FIGLA: variants seen among roughly 807,000 people sequenced by gnomAD.
The protein encoded by FIGLA is factor in the germline alpha.
In FIGLA, 17 loss-of-function variants were observed where a neutral mutation model predicts 21.5. The ratio of observed to expected loss-of-function variants is 0.79; its 90% CI spans 0.54 to 1.19. The LOEUF (loss-of-function observed/expected upper bound fraction) is 1.19, where lower values mean the gene tolerates loss of function less well. FIGLA is among the 50% of genes most tolerant of loss of function. The probability of loss-of-function intolerance (pLI) is 0.00; values close to 1 mark genes in which losing one functional copy is unlikely to be tolerated. For missense variants in FIGLA, 282 were observed against 285.0 expected (o/e 0.99, Z 0.08); for synonymous variants, 129 against 117.6 (o/e 1.10, Z -0.63).
rs150205874 is a variant in FIGLA, at chr2:70,777,314, T to C, written c.*53A>G. 1 of 1,310,826 alleles carries C rather than the reference T, an allele frequency of 7.6e-7. No individual in the cohort carries two copies. Among genetic ancestry groups the C allele is most frequent in the Non-Finnish European group, 1.0e-6 (1 of 969,510 alleles). 81.2% of individuals were successfully genotyped at this position (1,310,826 alleles called of 1,614,324 possible). On this transcript the variant is annotated 3_prime_UTR_variant, in exon 5 of 5. Transcript: ENST00000332372. ...AAAAAAAAAGAGAGACTCCAAAACT[T>C]TCAAGACTGCATTTATTTGTCTCTA...
rs191782765 is a variant in FIGLA at position 70,783,491 on chromosome 2, C to G, written c.609+1924G>C. On this transcript the variant is annotated intron_variant, in intron 3 of 4. Transcript: ENST00000332372. ...TAGTACTGCCAAGCACAGGCCTGCT[C>G]TGCTACTGCAGAGGCTCCTGTCCCA... Among the ~76,000 whole-genome samples the G allele has an allele frequency of 3.7e-4, 57 of 152,314 alleles. No individual in the cohort carries two copies. In the Middle Eastern group the frequency reaches 0.014, roughly 36 times the overall value.
At chr2:70,789,945 C>T (rs1251000809) in intron 1 of FIGLA, among the ~76,000 whole-genome samples, 2 of 152,192 alleles carry the variant, frequency 1.3e-5, no homozygotes, top group African/African-American at 2.4e-5. Context: ...CGTCAGGCCC[C>T]CCTTTCTCCT....
chr2:70,780,199 G>C (rs1271784537), intron 3 of FIGLA, among the ~76,000 whole-genome samples: 1 of 152,176 alleles, frequency 6.6e-6, no homozygotes, highest in Non-Finnish European at 1.5e-5. Flanking sequence ...TCCCAGGAAT[G>C]TTGTTGATCT....
At chr2:70,782,171 A>G (rs2080393) in intron 3 of FIGLA, among the ~76,000 whole-genome samples, 17,245 of 152,262 alleles carry the variant, frequency 0.11, 1,052 homozygotes, top group East Asian at 0.17. Flanking sequence ...TTACAAAAGA[A>G]AAAGATTAAA....
chr2:70,787,816 G>A lies in FIGLA; in HGVS notation c.232-15C>T. 1 of 1,611,024 alleles carries A rather than the reference G, an allele frequency of 6.2e-7. No individual in the cohort carries two copies. On this transcript the variant is annotated splice_polypyrimidine_tract_variant and intron_variant, in intron 1 of 4. Transcript: ENST00000332372. ...AGATTTTTTATCTAGAAAACAAAAA[G>A]GCACAGTAACACACAGAGAAGCCAA... is the stretch of plus-strand genomic sequence containing the variant.
chr2:70,777,907 T>C (rs997017613), intron 3 of FIGLA, among the ~76,000 whole-genome samples: 8 of 152,220 alleles, frequency 5.3e-5, no homozygotes, highest in Non-Finnish European at 1.0e-4. Context: ...TTTAGTGTAT[T>C]TCCATCAGTG....
chr2:70,787,838 C>A (rs782407610), intron 1 of FIGLA, 37 bp from the exon 2 acceptor site: 1 of 1,602,380 alleles, frequency 6.2e-7, no homozygotes, highest in Non-Finnish European at 8.5e-7. Flanking sequence ...CACAGAGAAG[C>A]CAATTTGTAT....
intron 3 of FIGLA, among the ~76,000 whole-genome samples, chr2:70,779,316 C>T (rs1675814903): frequency 1.3e-5 from 2 of 152,138 alleles, no homozygotes; most frequent in East Asian, 1.9e-4. Context: ...GCCCCATGGG[C>T]TATTGGTGAA....
chr2:70,787,078 G>T (rs1056035058), intron 2 of FIGLA, among the ~76,000 whole-genome samples: 1 of 152,156 alleles, frequency 6.6e-6, no homozygotes, highest in African/African-American at 2.4e-5. Flanking sequence ...CTCTCATAAT[G>T]GTGGTGACAT....
intron 4 of FIGLA, 55 bp downstream of exon 4, chr2:70,777,582 T>C: frequency 6.3e-7 from 1 of 1,580,150 alleles, no homozygotes; most frequent in Non-Finnish European, 8.6e-7. Context: ...ACTCTTATTA[T>C]ACAGCCAGTG....
At chr2:70,786,389 C>T (rs1474777945) in intron 2 of FIGLA, among the ~76,000 whole-genome samples, 1 of 151,922 alleles carries the variant, frequency 6.6e-6, no homozygotes, top group Non-Finnish European at 1.5e-5. Flanking sequence ...CTGCAAGCTC[C>T]GCCTCCCAGG....
Position 70,790,565 on chromosome 2 carries a change from A to T in FIGLA, c.74T>A (p.Val25Glu). 1.3e-6 allele frequency: 2 copies of T among 1,521,682 alleles called. No homozygotes were observed. Among genetic ancestry groups the T allele is most frequent in the Non-Finnish European group, 1.8e-6 (2 of 1,140,352 alleles). 94.3% of individuals were successfully genotyped at this position (1,521,682 alleles called of 1,614,324 possible). ...PALLGTPQAEVLEDVLREQFG... is the reference protein window; with the variant it reads ...PALLGTPQAEELEDVLREQFG... Reference sequence around the variant, plus strand: ...CTGCTCCCGCAACACGTCCTCCAGCACCTCGGCTTGCGGGGTGCCCAGGAG... The same window carrying T: ...CTGCTCCCGCAACACGTCCTCCAGCTCCTCGGCTTGCGGGGTGCCCAGGAG... Residue 25 changes from valine (V) to glutamate (E), a missense_variant, in exon 1 of 5, where the codon GTG becomes GAG. Coordinates refer to ENST00000332372, the MANE Select transcript of FIGLA (RefSeq NM_001004311.3).
intron 3 of FIGLA, among the ~76,000 whole-genome samples, chr2:70,784,926 C>T (rs2104600025): frequency 7.3e-6 from 1 of 136,554 alleles, no homozygotes; most frequent in South Asian, 2.5e-4. Context: ...TGTCTTACAA[C>T]CAGCACCACC....
chr2:70,789,874 G>C (rs560767779), intron 1 of FIGLA, among the ~76,000 whole-genome samples: 1 of 152,264 alleles, frequency 6.6e-6, no homozygotes, highest in South Asian at 2.1e-4. Flanking sequence ...GAGTTGAGTG[G>C]GAGTCTTGGG....
intron 3 of FIGLA, among the ~76,000 whole-genome samples, chr2:70,780,242 C>T (rs1024453289): frequency 3.9e-5 from 6 of 152,110 alleles, no homozygotes; most frequent in African/African-American, 1.4e-4. Flanking sequence ...TCTCCAAATC[C>T]CCCAAAACGC....
chr2:70,784,040 T>C (rs989899858), intron 3 of FIGLA, among the ~76,000 whole-genome samples: 8 of 152,162 alleles, frequency 5.3e-5, no homozygotes, highest in Non-Finnish European at 1.0e-4. Flanking sequence ...GCTCATGTAG[T>C]AGCAACAGGA....
At chr2:70,787,565 A>G (rs1675978599) in intron 2 of FIGLA, 84 bp downstream of exon 2, 2 of 1,327,002 alleles carry the variant, frequency 1.5e-6, no homozygotes, top group Non-Finnish European at 2.1e-6. Flanking sequence ...GAAAGTATAC[A>G]TATATCACTT....
At chr2:70,783,674 G>A (rs1171305675) in intron 3 of FIGLA, among the ~76,000 whole-genome samples, 2 of 151,750 alleles carry the variant, frequency 1.3e-5, no homozygotes, top group Non-Finnish European at 2.9e-5. Flanking sequence ...TTCTTAGATA[G>A]TCAGGCTCAA....
rs1553389862 is a variant in FIGLA, at chr2:70,785,607, G to C, written c.417C>G (p.Asn139Lys). The C allele has an allele frequency of 4.3e-6, 7 of 1,613,926 alleles. No homozygotes were observed. The highest frequency in any genetic ancestry group is 5.1e-6 in the Non-Finnish European group (6 of 1,179,850). ...AGGATGTATGTGATTCAGAACTGTT[G>C]TTACTATAGCTCTGCTCATCTGGGT... Reference protein sequence around the residue: ...KQDPDEQSYSNNSSESHTSSA... With the variant: ...KQDPDEQSYSKNSSESHTSSA... Residue 139 changes from asparagine (N) to lysine (K), a missense_variant, in exon 3 of 5, where the codon AAC (asparagine) becomes AAG (lysine). Coordinates refer to ENST00000332372, the MANE Select transcript of FIGLA (RefSeq NM_001004311.3).
Sources: gnomAD v4.1 joint callset for allele counts (sites outside exome capture counted in the v4.1 genomes callset) on GRCh38, gnomAD v4.1.1 for gene constraint, MANE v1.5 for transcripts, NCBI Gene and HGNC (gene_info 2026-07-23, HGNC 2026-07-21) for gene names.